Variants in SGCZ observed in about 807,000 individuals in gnomAD.
The protein encoded by SGCZ is zeta-sarcoglycan.
A neutral mutation model predicts 41.3 loss-of-function variants in SGCZ; 40 were observed. The observed-to-expected ratio is 0.97, with a 90% CI of 0.75 to 1.26. The LOEUF is 1.26. SGCZ is among the 50% of genes most tolerant of loss of function. The pLI is 0.00. For synonymous variants in SGCZ, 206 were observed against 137.5 expected, an observed-to-expected ratio of 1.50 and a Z score of -3.49; for missense variants, 552 against 369.8, an observed-to-expected ratio of 1.49 and a Z score of -4.04.
intron 2 of SGCZ, among the ~76,000 whole-genome samples, chr8:14,519,102 G>T (rs997831978): frequency 4.0e-5 from 6 of 150,302 alleles, no homozygotes; most frequent in African/African-American, 1.5e-4. Context: ...GATATATAGT[G>T]CCTGCATTTT....
chr8:15,057,791 G>A (rs1369634603), intron 1 of SGCZ, among the ~76,000 whole-genome samples: 1 of 152,144 alleles, frequency 6.6e-6, no homozygotes, highest in Non-Finnish European at 1.5e-5. Flanking sequence ...TCAACTAAAT[G>A]ATTACAAATG....
At chr8:14,154,575 TAAAGA>T (rs937836579) in intron 5 of SGCZ, among the ~76,000 whole-genome samples, 3 of 152,212 alleles carry the variant, frequency 2.0e-5, no homozygotes, top group Non-Finnish European at 2.9e-5. Flanking sequence ...ATTTTAAACC[TAAAGA>T]AAAGTCATGT....
intron 1 of SGCZ, among the ~76,000 whole-genome samples, chr8:15,120,451 T>G (rs944288165): frequency 2.0e-5 from 3 of 152,236 alleles, no homozygotes; most frequent in Admixed American, 6.5e-5. Flanking sequence ...TTGGTTAATT[T>G]AAGTAGTTTA....
intron 4 of SGCZ, among the ~76,000 whole-genome samples, chr8:14,208,194 T>C (rs1346193165): frequency 1.3e-5 from 2 of 152,240 alleles, no homozygotes; most frequent in Non-Finnish European, 2.9e-5. Context: ...TCAGCTCTGT[T>C]GAAAGTTTTG....
intron 3 of SGCZ, among the ~76,000 whole-genome samples, chr8:14,250,367 C>CA (rs370830273): frequency 6.6e-6 from 1 of 152,246 alleles, no homozygotes; most frequent in African/African-American, 2.4e-5. Flanking sequence ...AGACTGCTCA[C>CA]AAAAATGTGT....
At position 15,050,593 on chromosome 8, in the gene SGCZ, G is replaced by GAAAT. The variant is rs377616655; in HGVS notation, c.39+186988_39+186991dup. On this transcript the variant is annotated intron_variant, in intron 1 of 7. Transcript: ENST00000382080. ...AGAGAAGTGAGTGTTACAAGTAAGA[G>GAAAT]AAATAACCTGTGCAGAGGAGTGATA... Among the ~76,000 whole-genome samples the GAAAT allele has an allele frequency of 1.9e-3, 287 of 152,250 alleles. 2 individuals carry two copies. Among genetic ancestry groups the GAAAT allele is most frequent in the African/African-American group, 6.6e-3 (273 of 41,556 alleles).
intron 1 of SGCZ, among the ~76,000 whole-genome samples, chr8:14,838,975 C>A (rs894429308): frequency 1.6e-4 from 24 of 152,098 alleles, no homozygotes; most frequent in Non-Finnish European, 2.8e-4. Flanking sequence ...CAAGGTAGGA[C>A]TTCAGGTGAT....
rs889656307 is a variant in SGCZ at position 15,201,771 on chromosome 8, C to T, written c.39+35814G>A. Among the ~76,000 whole-genome samples, 67 of 152,272 alleles carry T rather than the reference C, an allele frequency of 4.4e-4. 1 individual carries two copies. The highest frequency in any genetic ancestry group is 1.6e-3 in the African/African-American group (66 of 41,556). On this transcript the variant is annotated intron_variant, in intron 1 of 7. Transcript: ENST00000382080. Reference sequence around the variant, plus strand: ...CCCCCACCTTCTGGCTTTTTGGTAACATACTTGAAAAGCAGGATACAGATA... The same window carrying T: ...CCCCCACCTTCTGGCTTTTTGGTAATATACTTGAAAAGCAGGATACAGATA...
At chr8:14,786,331 G>C (rs955532730) in intron 1 of SGCZ, among the ~76,000 whole-genome samples, 27 of 152,070 alleles carry the variant, frequency 1.8e-4, no homozygotes, top group African/African-American at 6.0e-4. Flanking sequence ...GTTCCCTAAA[G>C]TTTACTCTGA....
chr8:14,592,508 C>T (rs532259391), intron 1 of SGCZ, among the ~76,000 whole-genome samples: 23 of 152,034 alleles, frequency 1.5e-4, no homozygotes, highest in Admixed American at 2.6e-4. Flanking sequence ...AGTTTTTATG[C>T]TCAATTTTTT....
chr8:14,527,595 T>G (rs1164957969), intron 2 of SGCZ, among the ~76,000 whole-genome samples: 1 of 152,170 alleles, frequency 6.6e-6, no homozygotes, highest in Non-Finnish European at 1.5e-5. Flanking sequence ...ATGATGTCAT[T>G]GTCATTATGC....
At chr8:14,146,743 G>A (rs1323448970) in intron 5 of SGCZ, among the ~76,000 whole-genome samples, 1 of 148,256 alleles carries the variant, frequency 6.7e-6, no homozygotes, top group Non-Finnish European at 1.5e-5. Context: ...GTAGTGGCGG[G>A]CGCCTGTAGT....
rs1232437304 is a variant in SGCZ, at chr8:15,060,466, C to T, written c.39+177119G>A. Among the ~76,000 whole-genome samples, 10 of 130,008 alleles carry T rather than the reference C, an allele frequency of 7.7e-5. No individual in the cohort carries two copies. The Admixed American group carries it at 1.0e-3, about 13-fold the overall frequency. 85.3% of individuals were successfully genotyped at this position (130,008 alleles called of 152,430 possible). ...TTCTCACTCATAGGTGGGAATTGAA[C>T]AATGAGAACACTTGGACATAGGAAG... On this transcript the variant is annotated intron_variant, in intron 1 of 7. Coordinates refer to ENST00000382080, the MANE Select transcript of SGCZ (RefSeq NM_139167.4).
At chr8:14,624,774 T>G (rs563913370) in intron 1 of SGCZ, among the ~76,000 whole-genome samples, 1 of 151,692 alleles carries the variant, frequency 6.6e-6, no homozygotes, top group African/African-American at 2.4e-5. Context: ...TTTCACCATG[T>G]TGGCCAGGCT....
chr8:14,756,020 G>A (rs1215609377), intron 1 of SGCZ, among the ~76,000 whole-genome samples: 1 of 152,014 alleles, frequency 6.6e-6, no homozygotes, highest in Non-Finnish European at 1.5e-5. Context: ...ACTAAGAAGA[G>A]TGAAAAAACA....
At chr8:15,082,637 T>G (rs1378033) in intron 1 of SGCZ, among the ~76,000 whole-genome samples, 121,465 of 152,030 alleles carry the variant, frequency 0.8, 48,587 homozygotes, top group African/African-American at 0.84. Flanking sequence ...GCATGGCAGG[T>G]TGAACTGGAA....
intron 1 of SGCZ, among the ~76,000 whole-genome samples, chr8:14,563,040 T>C (rs1192718758): frequency 6.6e-6 from 1 of 152,144 alleles, no homozygotes; most frequent in Non-Finnish European, 1.5e-5. Context: ...TATGCTGACA[T>C]GGAGGACTCA....
intron 4 of SGCZ, among the ~76,000 whole-genome samples, chr8:14,181,625 C>T (rs1164538299): frequency 6.6e-6 from 1 of 152,198 alleles, no homozygotes; most frequent in Non-Finnish European, 1.5e-5. Context: ...TTCCCCAATA[C>T]TGTTCTCATG....
intron 1 of SGCZ, among the ~76,000 whole-genome samples, chr8:15,182,355 G>T (rs7820870): frequency 1.3e-5 from 2 of 151,894 alleles, no homozygotes; most frequent in South Asian, 4.1e-4. Context: ...CATCATTACC[G>T]ATTTTTTCAT....
Sources: allele counts gnomAD v4.1 joint callset (sites outside exome capture counted in the v4.1 genomes callset), GRCh38; gene constraint gnomAD v4.1.1; transcripts MANE v1.5; gene names NCBI Gene and HGNC (gene_info 2026-07-23, HGNC 2026-07-21).